The following MEMO1 variants were observed in gnomAD, a reference collection of about 807,000 sequenced individuals.
MEMO1 encodes the protein protein MEMO1.
In MEMO1, 6 loss-of-function variants were observed where a neutral mutation model predicts 45.2. That is an observed-to-expected ratio of 0.13 (90% CI 0.07 to 0.26). The LOEUF (loss-of-function observed/expected upper bound fraction) is 0.26, where lower values mean the gene tolerates loss of function less well. MEMO1 is among the 10% of genes least tolerant of loss of function. MEMO1 has a pLI of 1.00. For missense variants in MEMO1, 184 were observed against 370.5 expected, an observed-to-expected ratio of 0.50 and a Z score of 4.13; for synonymous variants, 78 against 124.3, an observed-to-expected ratio of 0.63 and a Z score of 2.48.
At chr2:32,006,251 G>T (rs1305679635) in intron 2 of MEMO1, among the ~76,000 whole-genome samples, 1 of 152,180 alleles carries the variant, frequency 6.6e-6, no homozygotes, top group Non-Finnish European at 1.5e-5. Context: ...TACAGAAGAT[G>T]GATTTAAAGG....
chr2:31,902,736 T>G (rs1024241280), intron 6 of MEMO1, among the ~76,000 whole-genome samples: 1 of 151,756 alleles, frequency 6.6e-6, no homozygotes, highest in African/African-American at 2.4e-5. Flanking sequence ...CCCTCACATT[T>G]TGTTTGTTTG....
intron 2 of MEMO1, among the ~76,000 whole-genome samples, chr2:31,955,608 C>CA (rs1558530938): frequency 6.6e-6 from 1 of 151,380 alleles, no homozygotes; most frequent in African/African-American, 2.4e-5. Flanking sequence ...ATGTTTATTT[C>CA]TTTTTTTTTC....
chr2:31,982,126 A>T (rs558395072), intron 2 of MEMO1, among the ~76,000 whole-genome samples: 35 of 151,388 alleles, frequency 2.3e-4, no homozygotes, highest in Admixed American at 2.3e-3. Context: ...GTGAAACCCC[A>T]TCTCTACTAA....
At position 31,963,122 on chromosome 2, in the gene MEMO1, C is replaced by T. The variant is rs910646285; in HGVS notation, c.62-19739G>A. On this transcript the variant is annotated intron_variant, in intron 2 of 9. Coordinates refer to ENST00000404530, the MANE Select transcript of MEMO1 (RefSeq NM_001301833.4). ...AACCCATCCTCAGTCTCTAACTACACCATTAGCTCTCCCATTTCTTAGGGC... is the reference window on the plus strand; with the variant it reads ...AACCCATCCTCAGTCTCTAACTACATCATTAGCTCTCCCATTTCTTAGGGC... The T allele has an allele frequency of 3.3e-6, 5 of 1,493,904 alleles. No individual in the cohort carries two copies. In the African/African-American group the frequency reaches 6.9e-5, roughly 21 times the overall value. The allele number at this position is 1,493,904 out of a possible 1,614,324, so 92.5% of individuals were successfully genotyped here.
chr2:31,978,731 T>C (rs1384071619), intron 2 of MEMO1, among the ~76,000 whole-genome samples: 4 of 152,226 alleles, frequency 2.6e-5, no homozygotes, highest in Non-Finnish European at 4.4e-5. Context: ...AAAATGCATA[T>C]TCTCATTTTG....
chr2:31,911,885 C>G (rs1272628871), intron 6 of MEMO1, among the ~76,000 whole-genome samples: 1 of 152,096 alleles, frequency 6.6e-6, no homozygotes, highest in Non-Finnish European at 1.5e-5. Context: ...AAGAAATCCT[C>G]CTGCCTTAGC....
intron 2 of MEMO1, among the ~76,000 whole-genome samples, chr2:31,951,516 G>C (rs62142078): frequency 1.2e-4 from 18 of 147,054 alleles, no homozygotes; most frequent in African/African-American, 4.0e-4. Context: ...CTCACTTAAT[G>C]GTTTTTTTTT....
intron 2 of MEMO1, among the ~76,000 whole-genome samples, chr2:31,955,823 G>C (rs184162453): frequency 2.1e-3 from 316 of 152,220 alleles, no homozygotes; most frequent in African/African-American, 6.9e-3. Context: ...GGTCAGGCTT[G>C]TCTCAAACTC....
rs765475931 is a variant in MEMO1, at chr2:31,930,739, G to A, written c.212+1328C>T. ...TGGCTCACTGCAACCTCCACCTCCC[G>A]GATTCAAGTGATTCCCCTGCCTCAG... On this transcript the variant is annotated intron_variant, in intron 4 of 9. Transcript: ENST00000404530. Among the ~76,000 whole-genome samples the A allele has an allele frequency of 6.6e-5, 10 of 151,836 alleles. No homozygotes were observed. The East Asian group carries it at 1.2e-3, about 18-fold the overall frequency.
intron 4 of MEMO1, among the ~76,000 whole-genome samples, chr2:31,927,884 T>G (rs537521469): frequency 6.6e-6 from 1 of 152,272 alleles, no homozygotes; most frequent in Non-Finnish European, 1.5e-5. Context: ...CCACTGTATT[T>G]CACTTTCAGC....
intron 2 of MEMO1, among the ~76,000 whole-genome samples, chr2:31,979,802 T>C (rs1025499133): frequency 6.6e-6 from 1 of 152,176 alleles, no homozygotes; most frequent in African/African-American, 2.4e-5. Flanking sequence ...AAGATAGATA[T>C]TGCTAACTTC....
chr2:31,933,332 AAAAAAAAAAAAAAAAAATT>A (rs1285351658), intron 3 of MEMO1, among the ~76,000 whole-genome samples: 1,199 of 60,012 alleles, frequency 0.02, 59 homozygotes, highest in South Asian at 0.11. Flanking sequence ...AAAAAAAAAA[AAAAAAAAAAAAAAAAAATT>A]TATATATATA....
At chr2:31,922,791 G>A (rs12994708) in intron 4 of MEMO1, among the ~76,000 whole-genome samples, 18,624 of 151,942 alleles carry the variant, frequency 0.12, 1,240 homozygotes, top group Middle Eastern at 0.2. Context: ...GTTGCTGCAA[G>A]TGATATGATC....
At chr2:31,967,883 T>C (rs1305695126) in intron 2 of MEMO1, among the ~76,000 whole-genome samples, 2 of 152,354 alleles carry the variant, frequency 1.3e-5, no homozygotes, top group East Asian at 3.9e-4. Context: ...AAAGTAGTTA[T>C]TGTGCAATTA....
chr2:31,917,478 AAC>A (rs1255471711), intron 6 of MEMO1, among the ~76,000 whole-genome samples: 1 of 152,194 alleles, frequency 6.6e-6, no homozygotes, highest in Non-Finnish European at 1.5e-5. Flanking sequence ...GGTACCACGT[AAC>A]AGTCTGTCGA....
At chr2:31,923,851 G>A (rs753267349) in intron 4 of MEMO1, 14 of 1,226,196 alleles carry the variant, frequency 1.1e-5, no homozygotes, top group African/African-American at 1.6e-5. Context: ...AAGATACACT[G>A]CTCCAGAAAT....
intron 8 of MEMO1, among the ~76,000 whole-genome samples, chr2:31,873,464 CA>C (rs1674088262): frequency 6.6e-6 from 1 of 152,006 alleles, no homozygotes; most frequent in Non-Finnish European, 1.5e-5. Flanking sequence ...GTGGCAACCC[CA>C]AACTAAATAG....
chr2:31,876,611 T>G lies in MEMO1; in HGVS notation c.658-6659A>C, dbSNP rs541927848. On this transcript the variant is annotated intron_variant, in intron 8 of 9. Coordinates refer to ENST00000404530, the MANE Select transcript of MEMO1 (RefSeq NM_001301833.4). ...ATGAAAATCCAAATGTCTACCTAAT[T>G]GACATCTCTACTTAGATGTCTTAAA... 4.6e-5 allele frequency among the ~76,000 whole-genome samples: 7 copies of G among 152,298 alleles called. No individual in the cohort carries two copies. The East Asian group carries it at 1.4e-3, about 29-fold the overall frequency.
intron 2 of MEMO1, among the ~76,000 whole-genome samples, chr2:31,994,580 G>A (rs186108865): frequency 2.6e-4 from 40 of 151,442 alleles, no homozygotes; most frequent in Admixed American, 1.7e-3. Context: ...GCAGTGAGCC[G>A]AGATTGCACC....
Sources: allele counts gnomAD v4.1 joint callset (sites outside exome capture counted in the v4.1 genomes callset), GRCh38; gene constraint gnomAD v4.1.1; transcripts MANE v1.5; gene names NCBI Gene and HGNC (gene_info 2026-07-23, HGNC 2026-07-21).